RBMS3: variants seen among roughly 807,000 people sequenced by gnomAD.
RBMS3 encodes RNA-binding motif, single-stranded-interacting protein 3.
A neutral mutation model predicts 66.8 loss-of-function variants in RBMS3; 27 were observed. That is an observed-to-expected ratio of 0.40 (90% CI 0.30 to 0.56). The LOEUF (loss-of-function observed/expected upper bound fraction) is 0.56. RBMS3 is among the 20% of genes least tolerant of loss of function. The pLI is 0.40. For synonymous variants in RBMS3, 188 were observed against 183.0 expected, an observed-to-expected ratio of 1.03 and a Z score of -0.22; for missense variants, 513 against 549.5, an observed-to-expected ratio of 0.93 and a Z score of 0.66.
intron 3 of RBMS3, among the ~76,000 whole-genome samples, chr3:29,548,609 GA>G (rs2046065064): frequency 6.6e-6 from 1 of 151,358 alleles, no homozygotes; most frequent in Non-Finnish European, 1.5e-5. Flanking sequence ...TAAGAAAAAG[GA>G]AAACTGTATC....
chr3:29,466,281 CCTGGAAGTTGGTGATTTCGCTAT>C (rs2042539069), intron 2 of RBMS3, among the ~76,000 whole-genome samples: 1 of 151,882 alleles, frequency 6.6e-6, no homozygotes, highest in South Asian at 2.1e-4. Context: ...AAAGCACATA[CCTGGAAGTTGGTGATTTCGCTAT>C]GAAAAGCAGG....
rs538900532 is a variant in RBMS3 at position 29,553,859 on chromosome 3, A to C, written c.308-33255A>C. Among the ~76,000 whole-genome samples the C allele has an allele frequency of 2.2e-4, 34 of 151,362 alleles. 1 individual carries two copies. The South Asian group carries it at 7.1e-3, about 32-fold the overall frequency. Reference sequence around the variant, plus strand: ...AGGCATTTGCCTCCTTATCTCCTGAAAGGTACACTGTGTGAATTTTAATGT... The same window carrying C: ...AGGCATTTGCCTCCTTATCTCCTGACAGGTACACTGTGTGAATTTTAATGT... On this transcript the variant is annotated intron_variant, in intron 3 of 14. Coordinates refer to ENST00000383767, the MANE Select transcript of RBMS3 (RefSeq NM_001003793.3).
intron 11 of RBMS3, among the ~76,000 whole-genome samples, chr3:29,939,352 A>G (rs1425291246): frequency 6.6e-6 from 1 of 151,970 alleles, no homozygotes; most frequent in Non-Finnish European, 1.5e-5. Context: ...TTTCCATGCA[A>G]TAATAATACT....
chr3:29,493,339 C>T (rs538175422), intron 3 of RBMS3, among the ~76,000 whole-genome samples: 5 of 152,242 alleles, frequency 3.3e-5, no homozygotes, highest in South Asian at 2.1e-4. Context: ...CTGGGTTGAA[C>T]GCTGCCTCTT....
At chr3:29,711,445 A>G (rs547320330) in intron 4 of RBMS3, among the ~76,000 whole-genome samples, 4 of 152,316 alleles carry the variant, frequency 2.6e-5, no homozygotes, top group Admixed American at 2.0e-4. Context: ...ACTTGGCCTG[A>G]GTATGAATAA....
chr3:29,528,052 A>G (rs890615088), intron 3 of RBMS3, among the ~76,000 whole-genome samples: 44 of 151,816 alleles, frequency 2.9e-4, no homozygotes, highest in Non-Finnish European at 5.0e-4. Context: ...TAAACAAATC[A>G]GGTTAAGTGA....
intron 2 of RBMS3, among the ~76,000 whole-genome samples, chr3:29,475,593 T>C (rs982691346): frequency 6.6e-6 from 1 of 152,162 alleles, no homozygotes; most frequent in African/African-American, 2.4e-5. Context: ...GAGTGGTTGG[T>C]CTTATCTTTC....
At chr3:29,341,331 T>C (rs981450929) in intron 1 of RBMS3, among the ~76,000 whole-genome samples, 2 of 152,080 alleles carry the variant, frequency 1.3e-5, no homozygotes, top group South Asian at 2.1e-4. Flanking sequence ...CACTACTTTG[T>C]CAGAAAAAGA....
intron 6 of RBMS3, among the ~76,000 whole-genome samples, chr3:29,818,855 A>C (rs895596647): frequency 1.3e-5 from 2 of 152,158 alleles, no homozygotes; most frequent in African/African-American, 4.8e-5. Flanking sequence ...TAATTCAATG[A>C]AAGTTATTAT....
intron 4 of RBMS3, among the ~76,000 whole-genome samples, chr3:29,674,374 A>G (rs538988755): frequency 7.9e-5 from 12 of 152,244 alleles, no homozygotes; most frequent in Admixed American, 5.9e-4. Flanking sequence ...CACCACTCCT[A>G]TTCAACATAG....
intron 4 of RBMS3, among the ~76,000 whole-genome samples, chr3:29,703,417 G>C (rs561559296): frequency 6.6e-6 from 1 of 152,104 alleles, no homozygotes; most frequent in Non-Finnish European, 1.5e-5. Flanking sequence ...TGAAGAGATC[G>C]GTTGCCAGAA....
Position 29,652,181 on chromosome 3 carries a change from C to T in RBMS3, c.399+64976C>T, listed in dbSNP as rs2050167674. 4.6e-5 allele frequency among the ~76,000 whole-genome samples: 7 copies of T among 152,136 alleles called. No individual in the cohort carries two copies. In the South Asian group the frequency reaches 1.2e-3, roughly 27 times the overall value. On this transcript the variant is annotated intron_variant, in intron 4 of 14. Coordinates refer to ENST00000383767, the MANE Select transcript of RBMS3 (RefSeq NM_001003793.3). ...GGCAAATTCCCAAAGTTTTTGTAAA[C>T]CTGTGAAATGTACAGAGATTAATGT...
At chr3:29,438,023 C>CTT (rs2041464840) in intron 2 of RBMS3, among the ~76,000 whole-genome samples, 1 of 101,554 alleles carries the variant, frequency 9.8e-6, no homozygotes, top group Non-Finnish European at 1.8e-5. Context: ...TAAAACCTTG[C>CTT]TTGTTTCTCT....
At chr3:29,559,976 T>C (rs1469413732) in intron 3 of RBMS3, among the ~76,000 whole-genome samples, 2 of 152,224 alleles carry the variant, frequency 1.3e-5, no homozygotes, top group African/African-American at 4.8e-5. Flanking sequence ...TGGTCTTATG[T>C]CAGCCAAGTG....
chr3:29,691,947 C>CTCTCTCTTTCTTTTTTTTTTTTTT (rs1218393454), intron 4 of RBMS3, among the ~76,000 whole-genome samples: 1 of 53,548 alleles, frequency 1.9e-5, no homozygotes, highest in Admixed American at 1.9e-4. Context: ...CTCTCTCTCT[C>CTCTCTCTTTCTTTTTTTTTTTTTT]TATTTTTTTT....
At chr3:29,895,264 A>T (rs181898913) in intron 8 of RBMS3, among the ~76,000 whole-genome samples, 153 of 151,658 alleles carry the variant, frequency 1.0e-3, no homozygotes, top group Middle Eastern at 3.4e-3. Context: ...TATCTTTTTT[A>T]AAAAAATCAG....
intron 12 of RBMS3, among the ~76,000 whole-genome samples, chr3:29,973,115 T>C (rs1446405854): frequency 1.3e-5 from 2 of 152,030 alleles, no homozygotes; most frequent in African/African-American, 2.4e-5. Flanking sequence ...TGATAATAAA[T>C]GTTGGTTTGA....
At chr3:29,608,406 AAC>A (rs1206045281) in intron 4 of RBMS3, among the ~76,000 whole-genome samples, 2 of 152,032 alleles carry the variant, frequency 1.3e-5, no homozygotes, top group African/African-American at 4.8e-5. Context: ...GATAAGGCAT[AAC>A]ACATTTCTTC....
At chr3:29,973,593 A>T (rs929066079) in intron 12 of RBMS3, among the ~76,000 whole-genome samples, 3 of 152,026 alleles carry the variant, frequency 2.0e-5, no homozygotes, top group African/African-American at 7.2e-5. Context: ...TTTCTGACTG[A>T]ATGTTCCTAG....
Sources: allele counts gnomAD v4.1 joint callset (sites outside exome capture counted in the v4.1 genomes callset), GRCh38; gene constraint gnomAD v4.1.1; transcripts MANE v1.5; gene names NCBI Gene and HGNC (gene_info 2026-07-23, HGNC 2026-07-21).